The following BRCA1 variants were observed in gnomAD, a reference collection of about 807,000 sequenced individuals.
BRCA1 encodes BRCA1 DNA repair associated, also known as breast cancer type 1 susceptibility protein.
In BRCA1, 140 loss-of-function variants were observed where a neutral mutation model predicts 173.7. The observed-to-expected ratio is 0.81, with a 90% CI of 0.70 to 0.93. BRCA1 has a LOEUF of 0.93. Ranked by LOEUF, BRCA1 falls within the 40% of genes least tolerant of loss-of-function variation. The pLI, the probability that BRCA1 is intolerant of heterozygous loss-of-function variation, is 0.00. For synonymous variants in BRCA1, 662 were observed against 756.0 expected, an observed-to-expected ratio of 0.88 and a Z score of 2.04; for missense variants, 1,983 against 2,172.5, an observed-to-expected ratio of 0.91 and a Z score of 1.73.
chr17:43,079,621 C>T (rs750577818), intron 12 of BRCA1: 34 of 834,042 alleles, frequency 4.1e-5, no homozygotes, highest in East Asian at 2.9e-4. Flanking sequence ...TCCTGAAACG[C>T]GTGAAGGAAA....
intron 2 of BRCA1, among the ~76,000 whole-genome samples, chr17:43,123,415 A>G (rs1416238374): frequency 7.8e-6 from 1 of 128,754 alleles, no homozygotes; most frequent in East Asian, 2.2e-4. Flanking sequence ...CAGTGGTGCC[A>G]TATTGGCTCA....
chr17:43,079,298 C>T, intron 12 of BRCA1: 2 of 1,537,972 alleles, frequency 1.3e-6, no homozygotes, highest in Non-Finnish European at 1.8e-6. Context: ...AGTAATTTGC[C>T]AAAATGACGA....
At chr17:43,063,015 C>T (rs556748364) in intron 18 of BRCA1, among the ~76,000 whole-genome samples, 2 of 152,022 alleles carry the variant, frequency 1.3e-5, no homozygotes, top group African/African-American at 2.4e-5. Flanking sequence ...CTCAGCCTCC[C>T]GAGTAGCTGG....
rs886052974 is a variant in BRCA1, at chr17:43,047,629, T to C, written c.5467+14A>G. ...AAGGACCCCATATAGCACAGGTACA[T>C]GCAGGCACCTTACCATGGAAGCCAT... On this transcript the variant is annotated intron_variant, in intron 22 of 22. Coordinates refer to ENST00000357654, the MANE Select transcript of BRCA1 (RefSeq NM_007294.4). The C allele has an allele frequency of 6.2e-6, 10 of 1,614,152 alleles. No individual in the cohort carries two copies. The highest frequency in any genetic ancestry group is 1.7e-5 in the Admixed American group (1 of 60,024).
At chr17:43,111,171 T>C (rs1420515411) in intron 3 of BRCA1, among the ~76,000 whole-genome samples, 2 of 152,092 alleles carry the variant, frequency 1.3e-5, no homozygotes, top group Non-Finnish European at 2.9e-5. Flanking sequence ...CATGACTGCC[T>C]TAAGAAATAT....
rs80357175 is a variant in BRCA1, at chr17:43,092,077, C to A, written c.3454G>T (p.Asp1152Tyr). The A allele has an allele frequency of 6.2e-7, 1 of 1,614,046 alleles. No homozygotes were observed. Among genetic ancestry groups the A allele is most frequent in the Non-Finnish European group, 8.5e-7 (1 of 1,180,028 alleles). Residue 1152 changes from aspartate (D) to tyrosine (Y), a missense_variant, in exon 10 of 23, where the codon GAC becomes TAC. By Grantham distance (160) the Asp-to-Tyr change is radical. Coordinates refer to ENST00000357654, the MANE Select transcript of BRCA1 (RefSeq NM_007294.4). ...ASQVCSETPD[D>Y]LLDDGEIKED... ...TTTATTTCACCATCATCTAACAGGT[C>A]ATCAGGTGTCTCAGAACAAACCTGA... is the stretch of plus-strand genomic sequence containing the variant.
At chr17:43,115,488 C>T (rs941599910) in intron 3 of BRCA1, among the ~76,000 whole-genome samples, 26 of 141,748 alleles carry the variant, frequency 1.8e-4, no homozygotes, top group Non-Finnish European at 3.0e-4. Flanking sequence ...GGCGACAGAG[C>T]GAGACTTTGT....
chr17:43,079,271 C>T (rs2154104072), intron 12 of BRCA1: 3 of 1,318,598 alleles, frequency 2.3e-6, no homozygotes, highest in Non-Finnish European at 3.2e-6. Context: ...TCCTTTTGGC[C>T]AGAACCACCA....
Position 43,063,907 on chromosome 17 carries a change from T to G in BRCA1, c.5119A>C (p.Ile1707Leu), listed in dbSNP as rs1597820147. Residue 1707 changes from isoleucine (I) to leucine (L), a missense_variant, in exon 17 of 23, where the codon ATT becomes CTT. Ile to Leu is a conservative substitution (Grantham distance 5). Coordinates refer to ENST00000357654, the MANE Select transcript of BRCA1 (RefSeq NM_007294.4). ...CERTLKYFLG[I>L]AGGKWVVSYF... is the part of the protein sequence containing the mutation. ...CTAACTACCCATTTTCCTCCCGCAATTCCTAGAAAATATTTCAGTGTCCGT... is the reference window on the plus strand; with the variant it reads ...CTAACTACCCATTTTCCTCCCGCAAGTCCTAGAAAATATTTCAGTGTCCGT... The G allele has an allele frequency of 6.2e-7, 1 of 1,614,076 alleles. No individual in the cohort carries two copies. Among genetic ancestry groups the G allele is most frequent in the Non-Finnish European group, 8.5e-7 (1 of 1,179,968 alleles).
intron 11 of BRCA1, among the ~76,000 whole-genome samples, chr17:43,085,386 CTTAGTGG>C (rs2053191287): frequency 6.6e-6 from 1 of 152,074 alleles, no homozygotes; most frequent in South Asian, 2.1e-4. Context: ...GAAAAAAACC[CTTAGTGG>C]TATACCACTG....
intron 2 of BRCA1, among the ~76,000 whole-genome samples, chr17:43,118,559 T>C (rs755911812): frequency 8.6e-5 from 13 of 151,910 alleles, no homozygotes; most frequent in Non-Finnish European, 1.8e-4. Context: ...AGTACTGGGA[T>C]TACAGGAGTG....
chr17:43,120,182 T>C (rs1454155602), intron 2 of BRCA1, among the ~76,000 whole-genome samples: 1 of 152,158 alleles, frequency 6.6e-6, no homozygotes, highest in Non-Finnish European at 1.5e-5. Context: ...AAGTCAAAAA[T>C]GTTATAGTCA....
At chr17:43,073,585 A>G (rs1323412158) in intron 14 of BRCA1, among the ~76,000 whole-genome samples, 3 of 152,266 alleles carry the variant, frequency 2.0e-5, no homozygotes, top group East Asian at 1.9e-4. Flanking sequence ...ACCATTCATT[A>G]AAAGTGATTT....
chr17:43,091,297 G>A (rs1419980832), intron 10 of BRCA1, 138 bp downstream of exon 10: 2 of 1,174,612 alleles, frequency 1.7e-6, no homozygotes, highest in Non-Finnish European at 2.5e-6. Context: ...AGCACCTTAG[G>A]AGGAACATGT....
intron 2 of BRCA1, among the ~76,000 whole-genome samples, chr17:43,118,030 T>G (rs1222399322): frequency 6.6e-6 from 1 of 151,536 alleles, no homozygotes; most frequent in Non-Finnish European, 1.5e-5. Flanking sequence ...AGAGAAAAAT[T>G]AAGCAGGGTA....
chr17:43,169,889 T>A, intron 1 of BRCA1: 1 of 415,542 alleles, frequency 2.4e-6, no homozygotes, highest in South Asian at 1.9e-5. Flanking sequence ...TCCCCCCCTC[T>A]ACACTGCAGA....
chr17:43,103,706 A>G (rs1447827957), intron 6 of BRCA1, among the ~76,000 whole-genome samples: 1 of 152,070 alleles, frequency 6.6e-6, no homozygotes, highest in Non-Finnish European at 1.5e-5. Context: ...CACTTAATAT[A>G]CCATCTTTCC....
rs913304137 is a variant in BRCA1 at position 43,165,708 on chromosome 17, A to C, written c.-20+4418T>G. ...TACCATATAATACTCTTTTTATATA[A>C]ATTCCGCCCCCCCTTTTTTTCCTTT... is the stretch of plus-strand genomic sequence containing the variant. On this transcript the variant is annotated intron_variant, in intron 1 of 7. Transcript: ENST00000634433. 4 of 151,868 alleles carry C rather than the reference A, an allele frequency of 2.6e-5. No homozygotes were observed. In the East Asian group the frequency reaches 5.8e-4, roughly 22 times the overall value. The allele number at this position is 151,868 out of a possible 1,614,324, so 9.4% of individuals were successfully genotyped here.
At chr17:43,099,549 G>A (rs1270827096) in intron 7 of BRCA1, among the ~76,000 whole-genome samples, 3 of 152,118 alleles carry the variant, frequency 2.0e-5, no homozygotes, top group Non-Finnish European at 4.4e-5. Flanking sequence ...GGGATTACAG[G>A]TGTGAGCCAC....
Sources: gnomAD v4.1 joint callset for allele counts (sites outside exome capture counted in the v4.1 genomes callset) on GRCh38, gnomAD v4.1.1 for gene constraint, MANE v1.5 for transcripts, NCBI Gene and HGNC (gene_info 2026-07-23, HGNC 2026-07-21) for gene names.